The following PARPBP variants were observed in gnomAD, a reference collection of about 807,000 sequenced individuals.
PARPBP encodes the protein PCNA-interacting partner.
In PARPBP, 52 loss-of-function variants were observed where a neutral mutation model predicts 50.0. That is an observed-to-expected ratio of 1.04 (90% CI 0.83 to 1.31). PARPBP has a LOEUF of 1.31. PARPBP is among the 50% of genes most tolerant of loss of function. The probability of loss-of-function intolerance (pLI) is 0.00; values close to 1 mark genes in which losing one functional copy is unlikely to be tolerated. For missense variants in PARPBP, 697 were observed against 672.0 expected (o/e 1.04, Z -0.41); for synonymous variants, 244 against 232.1 (o/e 1.05, Z -0.47).
At chr12:102,166,716 CATCCATTCTCT>C (rs1888177031) in intron 6 of PARPBP, among the ~76,000 whole-genome samples, 1 of 152,068 alleles carries the variant, frequency 6.6e-6, no homozygotes, top group South Asian at 2.1e-4. Flanking sequence ...CAGTACTGTG[CATCCATTCTCT>C]TAATGACTAT....
intron 1 of PARPBP, among the ~76,000 whole-genome samples, chr12:102,122,705 A>G (rs1017404299): frequency 6.6e-6 from 1 of 152,198 alleles, no homozygotes; most frequent in Non-Finnish European, 1.5e-5. Flanking sequence ...ACTTAACATG[A>G]TGCTTTAAGA....
At position 102,196,286 on chromosome 12, in the gene PARPBP, C is replaced by G. The variant is rs1250665170; in HGVS notation, c.1735C>G (p.Leu579Val). ...GQAKLTQFFR[L>V] ...GGCAAAGTTAACTCAGTTTTTTAGA[C>G]TATAAATTTGTGTCTTATATGCTTT... The change falls in exon 11 of 11, where the codon CTA (leucine) becomes GTA (valine). Residue 579 changes from leucine (L) to valine (V), a missense_variant. Transcript: ENST00000327680. 9 of 1,571,070 alleles carry G rather than the reference C, an allele frequency of 5.7e-6. No individual in the cohort carries two copies. Among genetic ancestry groups the G allele is most frequent in the Non-Finnish European group, 7.8e-6 (9 of 1,161,026 alleles).
At chr12:102,132,222 AAAAG>A (rs1882976560) in intron 2 of PARPBP, among the ~76,000 whole-genome samples, 1 of 152,106 alleles carries the variant, frequency 6.6e-6, no homozygotes, top group East Asian at 1.9e-4. Flanking sequence ...AAAAAAAAAA[AAAAG>A]AATCTGTACA....
chr12:102,152,048 T>G, intron 3 of PARPBP: 1 of 441,474 alleles, frequency 2.3e-6, no homozygotes, highest in African/African-American at 2.0e-5. Context: ...AAAGTTTTCT[T>G]TTTTCTTCCT....
At chr12:102,169,516 T>C (rs949963319) in intron 6 of PARPBP, among the ~76,000 whole-genome samples, 8 of 152,162 alleles carry the variant, frequency 5.3e-5, no homozygotes, top group African/African-American at 1.9e-4. Flanking sequence ...CTAAATACAT[T>C]CACTCACTAA....
chr12:102,152,795 A>G (rs1243706606), intron 3 of PARPBP, among the ~76,000 whole-genome samples: 1 of 145,264 alleles, frequency 6.9e-6, no homozygotes, highest in Non-Finnish European at 1.5e-5. Flanking sequence ...AAGGGTTCCC[A>G]ACCCTTTGGT....
chr12:102,165,475 A>G (rs1384166304), intron 5 of PARPBP, among the ~76,000 whole-genome samples: 1 of 152,068 alleles, frequency 6.6e-6, no homozygotes, highest in Non-Finnish European at 1.5e-5. Flanking sequence ...TTAGCTCTTA[A>G]TTTGTCCCCT....
chr12:102,175,742 T>C, intron 7 of PARPBP, 76 bp downstream of exon 7: 1 of 892,544 alleles, frequency 1.1e-6, no homozygotes, highest in East Asian at 2.7e-5. Context: ...AATGGTTTAT[T>C]ATTGCTACTT....
At chr12:102,176,482 G>C (rs1302076407) in intron 7 of PARPBP, among the ~76,000 whole-genome samples, 1 of 151,608 alleles carries the variant, frequency 6.6e-6, no homozygotes, top group Non-Finnish European at 1.5e-5. Flanking sequence ...ACCTGTACCT[G>C]GCAATTTTTA....
At chr12:102,186,264 CTT>C (rs1332613030) in intron 9 of PARPBP, among the ~76,000 whole-genome samples, 1 of 151,878 alleles carries the variant, frequency 6.6e-6, no homozygotes, top group Non-Finnish European at 1.5e-5. Context: ...AAAAAATTAA[CTT>C]TTCATTTCCT....
intron 2 of PARPBP, among the ~76,000 whole-genome samples, chr12:102,140,389 T>A (rs1334471726): frequency 1.3e-5 from 2 of 152,194 alleles, no homozygotes; most frequent in Non-Finnish European, 2.9e-5. Context: ...TCTTTATTAG[T>A]CTTACTAGTG....
Position 102,196,626 on chromosome 12 carries a change from GA to G in PARPBP, c.*339del. 1 of 1,571,994 alleles carries G rather than the reference GA, an allele frequency of 6.4e-7. No homozygotes were observed. ...CAATTAAATGCTTTTATTTTCTTCT[GA>G]AAAGATGATGTGGACCAACAGGTAT... is the stretch of plus-strand genomic sequence containing the variant. On this transcript the variant is annotated 3_prime_UTR_variant, in exon 11 of 11. Transcript: ENST00000327680.
intron 2 of PARPBP, among the ~76,000 whole-genome samples, chr12:102,135,453 G>A (rs1382882356): frequency 6.7e-6 from 1 of 149,096 alleles, no homozygotes; most frequent in Non-Finnish European, 1.5e-5. Context: ...GCTGAGGCAG[G>A]AGAATGGTGT....
At chr12:102,145,297 T>C (rs917654373) in intron 2 of PARPBP, among the ~76,000 whole-genome samples, 3 of 152,144 alleles carry the variant, frequency 2.0e-5, no homozygotes, top group African/African-American at 7.2e-5. Flanking sequence ...AGTTGACAGA[T>C]CTTGGTGTTA....
chr12:102,151,782 G>T, intron 3 of PARPBP: 2 of 1,535,560 alleles, frequency 1.3e-6, no homozygotes, highest in South Asian at 2.4e-5. Flanking sequence ...TGAAGAAGCT[G>T]GCAGCTGTCA....
At chr12:102,164,840 T>C (rs942744788) in intron 5 of PARPBP, among the ~76,000 whole-genome samples, 7 of 152,218 alleles carry the variant, frequency 4.6e-5, no homozygotes, top group African/African-American at 1.7e-4. Flanking sequence ...CTAGCCCTGA[T>C]AAATTCTCTG....
chr12:102,184,268 A>C (rs1271106500), intron 9 of PARPBP, among the ~76,000 whole-genome samples: 1 of 152,076 alleles, frequency 6.6e-6, no homozygotes, highest in Admixed American at 6.6e-5. Context: ...TGCATTGCAT[A>C]ATAATCACAT....
chr12:102,175,522 A>G lies in PARPBP; in HGVS notation c.861A>G (p.Gln287=), dbSNP rs985765653. 5 of 1,613,744 alleles carry G rather than the reference A, an allele frequency of 3.1e-6. No homozygotes were observed. Among genetic ancestry groups the G allele is most frequent in the Admixed American group, 1.7e-5 (1 of 59,998 alleles). Residue 287 remains glutamine (Q), a synonymous_variant, in exon 7 of 11, where the codon CAA becomes CAG. Coordinates refer to ENST00000327680, the MANE Select transcript of PARPBP (RefSeq NM_017915.5). ...AAATACTGTCAGTGATAAAGATGCA[A>G]CTGATTAAAGGCCAAAACAGCAGGG... The part of the protein sequence containing the change: ...GGQILSVIKM[Q]LIKGQNSRDP...
At chr12:102,147,637 G>T (rs542414627) in intron 2 of PARPBP, among the ~76,000 whole-genome samples, 1 of 151,896 alleles carries the variant, frequency 6.6e-6, no homozygotes, top group East Asian at 1.9e-4. Context: ...AATGGGTGCG[G>T]CGCACCAGCA....
Sources: gnomAD v4.1 joint callset for allele counts (sites outside exome capture counted in the v4.1 genomes callset) on GRCh38, gnomAD v4.1.1 for gene constraint, MANE v1.5 for transcripts, NCBI Gene and HGNC (gene_info 2026-07-23, HGNC 2026-07-21) for gene names.